VDAC3: variants seen among roughly 807,000 people sequenced by gnomAD.
The protein encoded by VDAC3 is voltage dependent anion channel 3, also known as non-selective voltage-gated ion channel VDAC3.
Under a neutral mutation model 33.9 loss-of-function variants are expected in VDAC3, and 7 were observed. That is an observed-to-expected ratio of 0.21 (90% CI 0.12 to 0.39). The LOEUF is 0.39. Among genes scored for constraint, VDAC3 ranks in the 10% least tolerant of loss-of-function variants. The probability of loss-of-function intolerance (pLI) is 1.00; values close to 1 mark genes in which losing one functional copy is unlikely to be tolerated. For synonymous variants in VDAC3, 100 were observed against 122.4 expected (o/e 0.82, Z 1.21); for missense variants, 261 against 334.5 (o/e 0.78, Z 1.71).
intron 4 of VDAC3, among the ~76,000 whole-genome samples, chr8:42,398,149 T>G (rs1802350459): frequency 6.6e-6 from 1 of 152,218 alleles, no homozygotes; most frequent in Admixed American, 6.5e-5. Context: ...AGTAAAGGCA[T>G]TTGTTTTCAG....
rs757308850 is a variant in VDAC3 at position 42,401,979 on chromosome 8, G to A, written c.515G>A (p.Gly172Asp). The change falls in exon 7 of 10, where the codon GGT becomes GAT. Residue 172 changes from glycine to aspartate, a missense_variant. Physicochemically the swap from Gly to Asp is moderately conservative, Grantham distance 94 (BLOSUM62 -1). Transcript: ENST00000022615. ...CTGTCACAGAATAATTTCGCCCTGG[G>A]TTACAAGGCTGCGGACTTCCAGCTG... ...SKLSQNNFAL[G>D]YKAADFQLHT... 1 of 1,614,122 alleles carries A rather than the reference G, an allele frequency of 6.2e-7. No individual in the cohort carries two copies. The highest frequency in any genetic ancestry group is 1.3e-5 in the African/African-American group (1 of 74,938).
chr8:42,398,015 G>C (rs913872110), intron 4 of VDAC3, among the ~76,000 whole-genome samples: 2 of 152,194 alleles, frequency 1.3e-5, no homozygotes, highest in African/African-American at 2.4e-5. Context: ...GAGGAGGGCA[G>C]TATTTTGGGA....
At chr8:42,394,780 C>T (rs1032209583) in intron 3 of VDAC3, among the ~76,000 whole-genome samples, 82 of 151,838 alleles carry the variant, frequency 5.4e-4, no homozygotes, top group African/African-American at 1.9e-3. Flanking sequence ...ATATTTTAAA[C>T]GATATATATA....
At chr8:42,394,418 G>C (rs1802267056) in intron 3 of VDAC3, 140 bp downstream of exon 3, 1 of 736,308 alleles carries the variant, frequency 1.4e-6, no homozygotes, top group Non-Finnish European at 2.2e-6. Flanking sequence ...ACTATTAACA[G>C]GCTATTAGAC....
chr8:42,395,374 AT>A (rs1442627524), intron 4 of VDAC3, among the ~76,000 whole-genome samples: 1 of 152,230 alleles, frequency 6.6e-6, no homozygotes, highest in Non-Finnish European at 1.5e-5. Flanking sequence ...TAGAATATAT[AT>A]TTTTTGACCC....
intron 4 of VDAC3, 72 bp from the exon 5 acceptor site, chr8:42,398,640 A>G: frequency 6.6e-7 from 1 of 1,513,606 alleles, no homozygotes. Flanking sequence ...TACATTGAAC[A>G]CTGCTTTCCA....
chr8:42,403,490 C>G, intron 8 of VDAC3, 29 bp downstream of exon 8: 1 of 1,524,966 alleles, frequency 6.6e-7, no homozygotes, highest in Non-Finnish European at 8.8e-7. Flanking sequence ...ATTGGATCTG[C>G]TCTTATGTTT....
At chr8:42,399,331 G>A (rs950923964) in intron 5 of VDAC3, among the ~76,000 whole-genome samples, 5 of 152,174 alleles carry the variant, frequency 3.3e-5, no homozygotes, top group Admixed American at 3.3e-4. Context: ...CTTGTTAAAT[G>A]TCAGGTTATC....
At chr8:42,400,087 T>C (rs529003446) in intron 6 of VDAC3, among the ~76,000 whole-genome samples, 15 of 152,194 alleles carry the variant, frequency 9.9e-5, no homozygotes, top group African/African-American at 3.4e-4. Flanking sequence ...CCTGTAATCC[T>C]AGCACTTTGG....
intron 6 of VDAC3, among the ~76,000 whole-genome samples, chr8:42,400,610 C>T (rs1212124198): frequency 2.6e-5 from 4 of 151,106 alleles, no homozygotes; most frequent in East Asian, 1.9e-4. Flanking sequence ...TTGTCTCAGC[C>T]GTAACAACAG....
At position 42,391,913 on chromosome 8, in the gene VDAC3, G is replaced by T; in HGVS notation, c.-58G>T. Reference sequence around the variant, plus strand: ...GCGTTGCCCTGGCGGAGCAGAGACAGGCCCTCGGGGTGGAGGTGAGGAGAG... The same window carrying T: ...GCGTTGCCCTGGCGGAGCAGAGACATGCCCTCGGGGTGGAGGTGAGGAGAG... On this transcript the variant is annotated 5_prime_UTR_variant, in exon 1 of 10. The change creates a new upstream start codon in the 5' untranslated region. Coordinates refer to ENST00000022615, the MANE Select transcript of VDAC3 (RefSeq NM_005662.7). 6.6e-6 allele frequency: 1 copy of T among 152,410 alleles called. No individual in the cohort carries two copies. The allele number at this position is 152,410 out of a possible 1,614,324, so 9.4% of individuals were successfully genotyped here.
chr8:42,399,516 C>T (rs1802379276), intron 5 of VDAC3, 135 bp from the exon 6 acceptor site: 4 of 675,266 alleles, frequency 5.9e-6, no homozygotes, highest in Admixed American at 2.9e-5. Flanking sequence ...TTACTTATTA[C>T]ATAATTTAAT....
intron 6 of VDAC3, 32 bp downstream of exon 6, chr8:42,399,735 T>G: frequency 6.2e-7 from 1 of 1,600,550 alleles, no homozygotes; most frequent in Admixed American, 1.7e-5. Flanking sequence ...CCTGAAACGT[T>G]TTTGGAGCCT....
At chr8:42,396,072 A>G (rs1802307372) in intron 4 of VDAC3, among the ~76,000 whole-genome samples, 2 of 152,086 alleles carry the variant, frequency 1.3e-5, no homozygotes, top group Admixed American at 1.3e-4. Flanking sequence ...CCTGGCTAAT[A>G]TGGTGAAACC....
intron 3 of VDAC3, among the ~76,000 whole-genome samples, 173 bp downstream of exon 3, chr8:42,394,451 C>T (rs1024563626): frequency 6.6e-6 from 1 of 152,086 alleles, no homozygotes; most frequent in Non-Finnish European, 1.5e-5. Context: ...AGGCAGAACC[C>T]CTTACAAGCA....
At chr8:42,396,028 C>T (rs191833454) in intron 4 of VDAC3, among the ~76,000 whole-genome samples, 87 of 149,354 alleles carry the variant, frequency 5.8e-4, no homozygotes, top group Non-Finnish European at 1.1e-3. Flanking sequence ...GAGGCCAAGG[C>T]GGGCGGATCA....
chr8:42,405,679 G>A lies in VDAC3; in HGVS notation c.*217G>A, dbSNP rs1408035733. ...CTGGAAGTTGTCATGTTTGTGCCAC[G>A]TTTCAGTTCAGTTCTGAAGTGTTAT... On this transcript the variant is annotated 3_prime_UTR_variant, in exon 10 of 10. Transcript: ENST00000022615. 5.9e-6 allele frequency: 3 copies of A among 504,526 alleles called. No homozygotes were observed. The highest frequency in any genetic ancestry group is 1.9e-5 in the African/African-American group (1 of 51,584). 31.3% of individuals were successfully genotyped at this position (504,526 alleles called of 1,614,324 possible).
At chr8:42,405,170 CT>C (rs1395492691) in intron 9 of VDAC3, among the ~76,000 whole-genome samples, 200 bp from the exon 10 acceptor site, 1 of 152,212 alleles carries the variant, frequency 6.6e-6, no homozygotes, top group Admixed American at 6.5e-5. Flanking sequence ...TAACCCTGAA[CT>C]TCAGAGAAAG....
chr8:42,392,643 T>C (rs1170390933), intron 1 of VDAC3, among the ~76,000 whole-genome samples: 4 of 152,264 alleles, frequency 2.6e-5, no homozygotes, highest in Non-Finnish European at 5.9e-5. Flanking sequence ...TACGTGACTT[T>C]TGCATAGTAT....
Sources: gnomAD v4.1 joint callset for allele counts (sites outside exome capture counted in the v4.1 genomes callset) on GRCh38, gnomAD v4.1.1 for gene constraint, MANE v1.5 for transcripts, NCBI Gene and HGNC (gene_info 2026-07-23, HGNC 2026-07-21) for gene names.